The following NRG1 variants were observed in gnomAD, a reference collection of about 807,000 sequenced individuals.
The protein encoded by NRG1 is pro-neuregulin-1, membrane-bound isoform.
Under a neutral mutation model 63.8 loss-of-function variants are expected in NRG1, and 18 were observed. The ratio of observed to expected loss-of-function variants is 0.28; its 90% confidence interval spans 0.19 to 0.42. The LOEUF (loss-of-function observed/expected upper bound fraction) is 0.42. Ranked by LOEUF, NRG1 falls within the 10% of genes least tolerant of loss-of-function variation. The pLI, the probability that NRG1 is intolerant of heterozygous loss-of-function variation, is 1.00. For missense variants in NRG1, 762 were observed against 814.7 expected (o/e 0.94, Z 0.79); for synonymous variants, 302 against 301.3 (o/e 1.00, Z -0.02).
At chr8:32,529,930 CAT>C (rs1831269444) in intron 1 of NRG1, among the ~76,000 whole-genome samples, 1 of 152,132 alleles carries the variant, frequency 6.6e-6, no homozygotes. Context: ...AGACCAGTAA[CAT>C]AGTCATTTAG....
chr8:32,396,142 T>C (rs1001866181), intron 1 of NRG1, among the ~76,000 whole-genome samples: 3 of 152,200 alleles, frequency 2.0e-5, no homozygotes, highest in Non-Finnish European at 2.9e-5. Context: ...ATAATAAATC[T>C]TGAAGTCTGG....
chr8:31,878,485 C>G (rs1395794194), intron 1 of NRG1, among the ~76,000 whole-genome samples: 3 of 152,132 alleles, frequency 2.0e-5, no homozygotes, highest in Non-Finnish European at 4.4e-5. Context: ...GGGGAATTTG[C>G]TACATCTTCT....
chr8:32,027,457 CTT>C (rs748390862), intron 1 of NRG1, among the ~76,000 whole-genome samples: 7,865 of 111,726 alleles, frequency 0.07, 542 homozygotes, highest in Non-Finnish European at 0.1. Flanking sequence ...TCCTTCCTTC[CTT>C]CCTTCCTTCC....
At chr8:31,871,415 C>A (rs1324406803) in intron 1 of NRG1, among the ~76,000 whole-genome samples, 3 of 152,060 alleles carry the variant, frequency 2.0e-5, no homozygotes, top group Non-Finnish European at 4.4e-5. Context: ...ATCCACTGCC[C>A]TCCCTTAGTC....
intron 5 of NRG1, among the ~76,000 whole-genome samples, chr8:32,695,729 C>T (rs917671686): frequency 6.6e-6 from 1 of 152,128 alleles, no homozygotes; most frequent in Non-Finnish European, 1.5e-5. Context: ...GTCAGAACGA[C>T]CTTCTTTTTG....
Position 32,647,012 on chromosome 8 carries a change from CAAG to C in NRG1, c.502+30131_502+30133del, listed in dbSNP as rs934388032. 15 of 981,166 alleles carry C rather than the reference CAAG, an allele frequency of 1.5e-5. No individual in the cohort carries two copies. In the African/African-American group the frequency reaches 2.5e-4, roughly 16 times the overall value. 60.8% of individuals were successfully genotyped at this position (981,166 alleles called of 1,614,324 possible). ...CAGAGGAAGAAAGTGAATGAGCACT[CAAG>C]AAGGACAAAGAGGAGTAGTCGGGGG... On this transcript the variant is annotated intron_variant, in intron 5 of 11. Coordinates refer to ENST00000356819, the Ensembl canonical transcript of NRG1.
intron 1 of NRG1, among the ~76,000 whole-genome samples, chr8:32,203,427 T>C (rs1472097056): frequency 6.6e-6 from 1 of 151,878 alleles, no homozygotes; most frequent in African/African-American, 2.4e-5. Flanking sequence ...TTGTCTGGAG[T>C]GCAGTGGTGC....
intron 1 of NRG1, among the ~76,000 whole-genome samples, chr8:32,101,822 A>G (rs1400057498): frequency 6.6e-6 from 1 of 152,156 alleles, no homozygotes; most frequent in African/African-American, 2.4e-5. Context: ...TTCCTTCCCA[A>G]CTGTACCGAG....
At chr8:32,592,008 T>C (rs563619093) in intron 1 of NRG1, among the ~76,000 whole-genome samples, 20 of 150,822 alleles carry the variant, frequency 1.3e-4, no homozygotes, top group Admixed American at 4.6e-4. Flanking sequence ...CAGACACACA[T>C]ACACACGTGC....
chr8:31,699,026 G>A (rs571967472), intron 1 of NRG1, among the ~76,000 whole-genome samples: 5 of 152,238 alleles, frequency 3.3e-5, no homozygotes, highest in Admixed American at 1.3e-4. Flanking sequence ...ACTGACTTCC[G>A]TCATTGTAAT....
chr8:31,955,678 C>T (rs1028065601), intron 1 of NRG1, among the ~76,000 whole-genome samples: 1 of 152,070 alleles, frequency 6.6e-6, no homozygotes, highest in Non-Finnish European at 1.5e-5. Flanking sequence ...GTTTGCTGTT[C>T]CTTCCCAGCC....
At chr8:32,222,373 G>A (rs1287574372) in intron 1 of NRG1, among the ~76,000 whole-genome samples, 1 of 151,900 alleles carries the variant, frequency 6.6e-6, no homozygotes, top group African/African-American at 2.4e-5. Context: ...AAGAGTTATT[G>A]TAAACAATTG....
intron 1 of NRG1, among the ~76,000 whole-genome samples, chr8:31,940,602 A>C: frequency 1.3e-5 from 2 of 152,106 alleles, no homozygotes; most frequent in East Asian, 3.8e-4. Flanking sequence ...ACAGAAAATA[A>C]ATAAAAAGCT....
chr8:31,974,248 CT>C (rs1454639959), intron 1 of NRG1, among the ~76,000 whole-genome samples: 1 of 152,186 alleles, frequency 6.6e-6, no homozygotes, highest in African/African-American at 2.4e-5. Flanking sequence ...TCATTTCTGC[CT>C]CCAACTCCTG....
chr8:32,587,788 A>G (rs559779085), intron 1 of NRG1, among the ~76,000 whole-genome samples: 2 of 152,304 alleles, frequency 1.3e-5, no homozygotes, highest in East Asian at 3.9e-4. Context: ...ACACATACAC[A>G]GTCAGGAAAT....
intron 1 of NRG1, among the ~76,000 whole-genome samples, chr8:31,667,922 G>A (rs1446124463): frequency 1.3e-5 from 2 of 152,010 alleles, no homozygotes; most frequent in African/African-American, 2.4e-5. Flanking sequence ...AAAAAGTGAG[G>A]TCCATATCTG....
intron 1 of NRG1, among the ~76,000 whole-genome samples, chr8:32,376,332 C>A (rs1034083917): frequency 2.0e-5 from 3 of 152,166 alleles, no homozygotes; most frequent in Non-Finnish European, 2.9e-5. Context: ...TTGGGCTCTT[C>A]TTCTGTTAAC....
chr8:31,859,985 C>A (rs1221992020), intron 1 of NRG1, among the ~76,000 whole-genome samples: 1 of 152,152 alleles, frequency 6.6e-6, no homozygotes, highest in Non-Finnish European at 1.5e-5. Flanking sequence ...AAAACCATGC[C>A]TAGGAAAACA....
intron 1 of NRG1, among the ~76,000 whole-genome samples, chr8:32,227,606 T>C (rs1179767177): frequency 6.6e-6 from 1 of 152,214 alleles, no homozygotes; most frequent in African/African-American, 2.4e-5. Flanking sequence ...TCGGAATTTC[T>C]TTTCCTGAGG....
Sources: gnomAD v4.1 joint callset for allele counts (sites outside exome capture counted in the v4.1 genomes callset) on GRCh38, gnomAD v4.1.1 for gene constraint, MANE v1.5 for transcripts, NCBI Gene and HGNC (gene_info 2026-07-23, HGNC 2026-07-21) for gene names.